The following VPS37A variants were observed in gnomAD, a reference collection of about 807,000 sequenced individuals.
The protein encoded by VPS37A is vacuolar protein sorting-associated protein 37A.
VPS37A carries 30 observed loss-of-function variants against 49.8 expected under a neutral mutation model. That is an observed-to-expected ratio of 0.60 (90% confidence interval 0.45 to 0.82). VPS37A has a LOEUF of 0.82. Ranked by LOEUF, VPS37A falls within the 40% of genes least tolerant of loss-of-function variation. The pLI is 0.00. For missense variants in VPS37A, 593 were observed against 464.4 expected (o/e 1.28, Z -2.55); for synonymous variants, 195 against 160.6 (o/e 1.21, Z -1.62).
chr8:17,307,614 T>C, the VPS37A span, among the ~76,000 whole-genome samples: 1 of 152,092 alleles, frequency 6.6e-6, no homozygotes, highest in Non-Finnish European at 1.5e-5. Flanking sequence ...CTATTCACAA[T>C]AGCAAAGACT....
chr8:17,255,483 A>AAT (rs967203787), intron 1 of VPS37A, among the ~76,000 whole-genome samples: 8 of 139,476 alleles, frequency 5.7e-5, no homozygotes, highest in African/African-American at 1.4e-4. Context: ...CTTCGTCTTA[A>AAT]ATATATATAT....
the VPS37A span, chr8:17,331,040 C>A: frequency 7.6e-7 from 1 of 1,309,502 alleles, no homozygotes; most frequent in Non-Finnish European, 1.0e-6. Flanking sequence ...ATATTCTTCC[C>A]AAATTATCAC....
At chr8:17,304,258 T>A (rs1328112649), downstream of VPS37A, 1 of 1,076,686 alleles carries the variant, frequency 9.3e-7, no homozygotes, top group Admixed American at 2.4e-5. Context: ...CTCCCTCTGG[T>A]GTCTTTTGTG....
At chr8:17,309,412 G>A in the VPS37A span, 5 of 927,204 alleles carry the variant, frequency 5.4e-6, no homozygotes, top group Admixed American at 2.1e-5. Flanking sequence ...GGAATTCAGA[G>A]GCACTTGCAG....
At chr8:17,287,035 C>A (rs766502852) in intron 11 of VPS37A, among the ~76,000 whole-genome samples, 26 of 152,192 alleles carry the variant, frequency 1.7e-4, no homozygotes, top group Non-Finnish European at 3.7e-4. Flanking sequence ...TCCATTTTAA[C>A]TTTGCATTTT....
chr8:17,313,365 A>G, the VPS37A span: 6 of 1,612,992 alleles, frequency 3.7e-6, no homozygotes, highest in Non-Finnish European at 5.1e-6. Context: ...CAGACCCCAC[A>G]GGAAATCACT....
chr8:17,277,349 A>T (rs1017773073), intron 6 of VPS37A, among the ~76,000 whole-genome samples: 2 of 152,136 alleles, frequency 1.3e-5, no homozygotes, highest in African/African-American at 4.8e-5. Context: ...AGGAGTTCTC[A>T]TTTAATAAGA....
intron 11 of VPS37A, 33 bp downstream of exon 11, chr8:17,286,460 G>T (rs749393992): frequency 2.5e-6 from 4 of 1,580,868 alleles, no homozygotes; most frequent in Non-Finnish European, 3.5e-6. Flanking sequence ...GTCTCAAGGT[G>T]ATTGCATCAG....
At chr8:17,325,270 C>T in the VPS37A span, among the ~76,000 whole-genome samples, 1 of 152,158 alleles carries the variant, frequency 6.6e-6, no homozygotes, top group East Asian at 1.9e-4. Flanking sequence ...ATGTGACCGT[C>T]ATACCCACCA....
chr8:17,312,124 A>G, the VPS37A span, among the ~76,000 whole-genome samples: 1 of 152,264 alleles, frequency 6.6e-6, no homozygotes, highest in Non-Finnish European at 1.5e-5. Context: ...AAATGACACC[A>G]GAAAATCTCC....
chr8:17,318,691 G>GTC, the VPS37A span, among the ~76,000 whole-genome samples: 1 of 152,184 alleles, frequency 6.6e-6, no homozygotes, highest in Non-Finnish European at 1.5e-5. Flanking sequence ...TACAGGTATT[G>GTC]TGCATGTTTG....
the VPS37A span, among the ~76,000 whole-genome samples, chr8:17,333,416 A>G: frequency 2.0e-5 from 3 of 152,212 alleles, no homozygotes; most frequent in Admixed American, 2.0e-4. Context: ...ATCCTTTATA[A>G]CAAGCATCAT....
At chr8:17,311,454 G>A in the VPS37A span, 4 of 1,604,094 alleles carry the variant, frequency 2.5e-6, no homozygotes, top group Non-Finnish European at 3.4e-6. Context: ...TGTAAAAACA[G>A]GGGTCCATTC....
At chr8:17,315,532 G>A in the VPS37A span, among the ~76,000 whole-genome samples, 2 of 152,208 alleles carry the variant, frequency 1.3e-5, no homozygotes, top group Non-Finnish European at 2.9e-5. Context: ...CGTCGGGGAT[G>A]TGAATAATGC....
chr8:17,265,646 C>A, intron 1 of VPS37A: 1 of 718,340 alleles, frequency 1.4e-6, no homozygotes. Context: ...AACAGTGTAG[C>A]ATTAATGAAG....
the VPS37A span, among the ~76,000 whole-genome samples, chr8:17,321,323 A>G: frequency 2.0e-5 from 3 of 152,356 alleles, no homozygotes; most frequent in Non-Finnish European, 4.4e-5. Flanking sequence ...TTCTCTGTCC[A>G]GTTAGCTCTC....
chr8:17,270,454 C>G (rs570246098), intron 4 of VPS37A, among the ~76,000 whole-genome samples: 1 of 152,218 alleles, frequency 6.6e-6, no homozygotes, highest in South Asian at 2.1e-4. Context: ...ATGTGACCTG[C>G]GCTTCCTCAC....
At chr8:17,255,340 G>C (rs184865931) in intron 1 of VPS37A, among the ~76,000 whole-genome samples, 1 of 152,048 alleles carries the variant, frequency 6.6e-6, no homozygotes, top group Admixed American at 6.5e-5. Flanking sequence ...TATTAGCCGG[G>C]CATGGTAGCA....
chr8:17,284,724 C>T (rs918410071), intron 10 of VPS37A, 108 bp downstream of exon 10: 5 of 1,308,054 alleles, frequency 3.8e-6, no homozygotes, highest in Non-Finnish European at 4.1e-6. Flanking sequence ...ATATCATCCC[C>T]CTTTTTTTGT....
Sources: gnomAD v4.1 joint callset for allele counts (sites outside exome capture counted in the v4.1 genomes callset) on GRCh38, gnomAD v4.1.1 for gene constraint, MANE v1.5 for transcripts, NCBI Gene and HGNC (gene_info 2026-07-23, HGNC 2026-07-21) for gene names.